The following C2CD4D variants were observed in gnomAD, a reference collection of about 807,000 sequenced individuals.
C2CD4D encodes C2 calcium dependent domain containing 4D.
C2CD4D carries 1 observed loss-of-function variant against 0.2 expected under a neutral mutation model. That is an observed-to-expected ratio of 4.00 (90% CI 1.42 to 18.99). The LOEUF is 18.99. Among genes scored for constraint, C2CD4D ranks in the 30% most tolerant of loss-of-function variants. C2CD4D has a pLI of 0.11. For synonymous variants in C2CD4D, 269 were observed against 279.8 expected, an observed-to-expected ratio of 0.96 and a Z score of 0.39; for missense variants, 552 against 551.2, an observed-to-expected ratio of 1.00 and a Z score of -0.01.
In C2CD4D at chr1:151,838,308, G is replaced by A. The variant is rs1399847099; in HGVS notation, c.682C>T (p.Gln228Ter). The A allele has an allele frequency of 1.4e-6, 2 of 1,395,390 alleles. No individual in the cohort carries two copies. Among genetic ancestry groups the A allele is most frequent in the Non-Finnish European group, 1.9e-6 (2 of 1,068,806 alleles). 86.4% of individuals were successfully genotyped at this position (1,395,390 alleles called of 1,614,324 possible). A position where few individuals can be genotyped will look rare whatever the true frequency, so the allele number is the denominator to read the frequency against. ...AGCCGCAGCCGCCCGGGCCCGGCCT[G>A]ATATTCGGTGGAGAGCCGCAGCTGC... Residue 228 changes from glutamine to a stop codon, truncating the protein, a stop_gained, in exon 2 of 2, where the codon CAG becomes TAG. Coordinates refer to ENST00000454109, the Ensembl canonical transcript of C2CD4D. LOFTEE classifies it low-confidence loss of function (END_TRUNC).
exon 2 of C2CD4D, chr1:151,838,969 A>C: frequency 1.3e-6 from 2 of 1,550,214 alleles, no homozygotes; most frequent in South Asian, 1.2e-5. Context: ...CCTTATAGCC[A>C]GCTTTTTCCA....
chr1:151,838,463 G>A, exon 2 of C2CD4D: 2 of 1,397,890 alleles, frequency 1.4e-6, no homozygotes, highest in Non-Finnish European at 1.9e-6. Context: ...GGTATCGGCC[G>A]AGCTCGCTTT....
intron 1 of C2CD4D, among the ~76,000 whole-genome samples, chr1:151,839,792 G>C (rs1339699104): frequency 6.6e-6 from 1 of 152,110 alleles, no homozygotes; most frequent in Admixed American, 6.5e-5. Context: ...CAGCTCCCGC[G>C]CCTCCCAGCC....
exon 1 of C2CD4D, chr1:151,840,458 T>C (rs1652755463): frequency 6.6e-6 from 1 of 152,314 alleles, no homozygotes; most frequent in Non-Finnish European, 1.5e-5. Flanking sequence ...AAAACCCTCC[T>C]GGTTGAAATC....
exon 2 of C2CD4D, chr1:151,839,151 G>T: frequency 2.8e-6 from 2 of 721,758 alleles, no homozygotes; most frequent in Non-Finnish European, 2.2e-6. Flanking sequence ...CCGCGCCCCG[G>T]TCTCCGGACC....
Position 151,838,476 on chromosome 1 carries a change from C to A in C2CD4D, c.514G>T (p.Glu172Ter). Residue 172 changes from glutamate (E) to a stop codon, truncating the protein, a stop_gained, in exon 2 of 2, where the codon GAA becomes TAA. Coordinates refer to ENST00000454109, the Ensembl canonical transcript of C2CD4D. LOFTEE classifies it low-confidence loss of function (END_TRUNC). ...CTGGTATCGGCCGAGCTCGCTTTTT[C>A]TGGGGACAGAGAGTGAGGCCTGGAC... The A allele has an allele frequency of 7.2e-7, 1 of 1,397,464 alleles. No homozygotes were observed. The highest frequency in any genetic ancestry group is 9.3e-7 in the Non-Finnish European group (1 of 1,079,712). 86.6% of individuals were successfully genotyped at this position (1,397,464 alleles called of 1,614,324 possible).
At position 151,838,810 on chromosome 1, in the gene C2CD4D, CG is replaced by C. The variant is rs1217134722; in HGVS notation, c.179del (p.Pro60ArgfsTer179). 2 of 1,412,376 alleles carry C rather than the reference CG, an allele frequency of 1.4e-6. No homozygotes were observed. The highest frequency in any genetic ancestry group is 1.8e-6 in the Non-Finnish European group (2 of 1,087,530). The allele number at this position is 1,412,376 out of a possible 1,614,324, so 87.5% of individuals were successfully genotyped here. ...GCCGGGCCGCGGGCACTGCGCCGCC[CG>C]GGTCCGGGAGCCGAGGCGGGATGAA... On this transcript the variant is annotated frameshift_variant, in exon 2 of 2. Transcript: ENST00000454109. LOFTEE classifies it low-confidence loss of function (END_TRUNC).
rs927294941 is a variant in C2CD4D at position 151,839,164 on chromosome 1, C to T, written c.-175G>A. On this transcript the variant is annotated 5_prime_UTR_variant, in exon 2 of 2. In the 5' UTR this introduces an upstream ATG that the reference lacks. Transcript: ENST00000454109. Reference sequence around the variant, plus strand: ...CACCGCGCCCCGGTCTCCGGACCCACTGGGAGCGCGGACCCCTATTTGAGC... The same window carrying T: ...CACCGCGCCCCGGTCTCCGGACCCATTGGGAGCGCGGACCCCTATTTGAGC... The T allele has an allele frequency of 4.7e-6, 3 of 641,446 alleles. No homozygotes were observed. The highest frequency in any genetic ancestry group is 3.6e-5 in the Admixed American group (1 of 27,912). 39.7% of individuals were successfully genotyped at this position (641,446 alleles called of 1,614,324 possible). A position where few individuals can be genotyped will look rare whatever the true frequency, so the allele number is the denominator to read the frequency against.
chr1:151,838,091 AGGTCCGGGGGGCCG>A lies in C2CD4D; in HGVS notation c.885_898del (p.Pro297ArgfsTer55). On this transcript the variant is annotated frameshift_variant, in exon 2 of 2. Transcript: ENST00000454109. LOFTEE classifies it low-confidence loss of function (END_TRUNC). ...CTTGGCTCTCAGGCTGCGGGCGGCC[AGGTCCGGGGGGCCG>A]AGCCCGTCGAAAAAGAAATCCTCGT... 1 of 1,551,014 alleles carries A rather than the reference AGGTCCGGGGGGCCG, an allele frequency of 6.4e-7. No homozygotes were observed.
At chr1:151,838,446 G>A in exon 2 of C2CD4D, 1 of 1,413,392 alleles carries the variant, frequency 7.1e-7, no homozygotes. Flanking sequence ...CGCGGCGAGT[G>A]CGGGCTGGTA....
At chr1:151,838,003 G>C in exon 2 of C2CD4D, 5 of 1,551,166 alleles carry the variant, frequency 3.2e-6, no homozygotes, top group Non-Finnish European at 4.4e-6. Context: ...GCAGCGCAAT[G>C]AGGGGCGTCT....
At chr1:151,838,466 C>A in exon 2 of C2CD4D, 3 of 1,395,696 alleles carry the variant, frequency 2.1e-6, no homozygotes, top group Middle Eastern at 2.0e-4. Context: ...ATCGGCCGAG[C>A]TCGCTTTTTC....
chr1:151,838,466 C>G (rs1189645220), exon 2 of C2CD4D: 63 of 1,395,586 alleles, frequency 4.5e-5, no homozygotes, highest in Non-Finnish European at 5.7e-5. Context: ...ATCGGCCGAG[C>G]TCGCTTTTTC....
chr1:151,839,812 C>T (rs1652730374), intron 1 of C2CD4D, among the ~76,000 whole-genome samples: 1 of 152,328 alleles, frequency 6.6e-6, no homozygotes, highest in South Asian at 2.1e-4. Flanking sequence ...CCTACCGCAT[C>T]CCGCGTCTGC....
At chr1:151,838,576 G>A in exon 2 of C2CD4D, 2 of 1,317,056 alleles carry the variant, frequency 1.5e-6, no homozygotes, top group Non-Finnish European at 1.9e-6. Context: ...TGTCGCTGTC[G>A]GGGGCCCGGC....
chr1:151,838,702 C>A, exon 2 of C2CD4D: 2 of 1,374,308 alleles, frequency 1.5e-6, no homozygotes, highest in South Asian at 3.4e-5. Context: ...TGTGCGGGCT[C>A]TCGGGCAGGA....
At chr1:151,838,270 G>A in exon 2 of C2CD4D, 1 of 1,320,088 alleles carries the variant, frequency 7.6e-7, no homozygotes, top group Non-Finnish European at 9.7e-7. Flanking sequence ...GGCCCTCGGC[G>A]CTCACTAGGC....
At chr1:151,837,828 G>C (rs12122596) in exon 2 of C2CD4D, 722,640 of 1,434,526 alleles carry the variant, frequency 0.5, 185,303 homozygotes, top group Middle Eastern at 0.7. Context: ...TAAGGACAAG[G>C]GGACATTTTA....
exon 2 of C2CD4D, chr1:151,838,080 T>G: frequency 6.4e-7 from 1 of 1,551,436 alleles, no homozygotes; most frequent in African/African-American, 1.4e-5. Flanking sequence ...GCTCTCAGGC[T>G]GCGGGCGGCC....
Sources: allele counts gnomAD v4.1 joint callset (sites outside exome capture counted in the v4.1 genomes callset), GRCh38; gene constraint gnomAD v4.1.1; transcripts MANE v1.5; gene names NCBI Gene and HGNC (gene_info 2026-07-23, HGNC 2026-07-21).